The following HSPG2 variants were observed in gnomAD, a reference collection of about 807,000 sequenced individuals.
The protein encoded by HSPG2 is heparan sulfate proteoglycan 2.
A neutral mutation model predicts 526.6 loss-of-function variants in HSPG2; 278 were observed. That is an observed-to-expected ratio of 0.53 (90% CI 0.48 to 0.58). The LOEUF (loss-of-function observed/expected upper bound fraction) is 0.58, where lower values mean the gene tolerates loss of function less well. Ranked by LOEUF, HSPG2 falls within the 20% of genes least tolerant of loss-of-function variation. The pLI is 0.00. For synonymous variants in HSPG2, 2,465 were observed against 2,555.4 expected, an observed-to-expected ratio of 0.96 and a Z score of 1.07; for missense variants, 5,354 against 6,099.5, an observed-to-expected ratio of 0.88 and a Z score of 4.07.
chr1:21,851,682 T>C lies in HSPG2; in HGVS notation c.7022A>G (p.Gln2341Arg), dbSNP rs1266984580. ...GGAGGAGGGCTCGATGCGGATGGGC[T>C]GGGTGCTGCCGGCAGCTGAGGGATA... ...ANLAYPAGST[Q>R]PIRIEPSSSQ... Residue 2341 changes from glutamine (Q) to arginine (R), a missense_variant, in exon 55 of 97, where the codon CAG becomes CGG. Coordinates refer to ENST00000374695, the MANE Select transcript of HSPG2 (RefSeq NM_005529.7). The C allele has an allele frequency of 6.2e-7, 1 of 1,613,912 alleles. No homozygotes were observed. The highest frequency in any genetic ancestry group is 1.1e-5 in the South Asian group (1 of 91,076).
At chr1:21,862,931 G>T (rs938694689) in intron 37 of HSPG2, among the ~76,000 whole-genome samples, 2 of 151,670 alleles carry the variant, frequency 1.3e-5, no homozygotes, top group Non-Finnish European at 2.9e-5. Context: ...ATGGTGGCAG[G>T]TGCCTGTAAT....
rs749393638 is a variant in HSPG2 at position 21,850,103 on chromosome 1, C to G, written c.7384G>C (p.Gly2462Arg). 1.2e-6 allele frequency: 2 copies of G among 1,613,354 alleles called. No individual in the cohort carries two copies. The highest frequency in any genetic ancestry group is 1.3e-5 in the African/African-American group (1 of 74,952). The change falls in exon 57 of 97, where the codon GGT (glycine) becomes CGT (arginine). Residue 2462 changes from glycine to arginine, a missense_variant. Transcript: ENST00000374695. ...CACGTGACCTGGGCATGGGCCTGACCAGCAACGAGGCAGTTCAGGTCCAGG... is the reference window on the plus strand; with the variant it reads ...CACGTGACCTGGGCATGGGCCTGACGAGCAACGAGGCAGTTCAGGTCCAGG... ...QTLDLNCLVA[G>R]QAHAQVTWHK...
At position 21,847,989 on chromosome 1, in the gene HSPG2, G is replaced by T; in HGVS notation, c.7842C>A (p.Ile2614=). The T allele has an allele frequency of 6.2e-7, 1 of 1,613,758 alleles. No homozygotes were observed. The highest frequency in any genetic ancestry group is 8.5e-7 in the Non-Finnish European group (1 of 1,180,016). ...NGAGSRETSL[I]VTIQGSGSSH... ...AGGAACCGCTGCCCTGGATGGTGACGATGAGCGAGGTCTCCCGGGAGCCTG... is the reference window on the plus strand; with the variant it reads ...AGGAACCGCTGCCCTGGATGGTGACTATGAGCGAGGTCTCCCGGGAGCCTG... The change falls in exon 60 of 97, where the codon ATC becomes ATA. Residue 2614 remains isoleucine, a synonymous_variant. Transcript: ENST00000374695. The surrounding 1 kb of genome is among the most constrained non-coding windows in gnomAD (Gnocchi z 4.1).
intron 1 of HSPG2, among the ~76,000 whole-genome samples, chr1:21,915,427 G>A (rs1349646370): frequency 6.6e-6 from 1 of 152,218 alleles, no homozygotes; most frequent in Non-Finnish European, 1.5e-5. Context: ...AAATAACAGG[G>A]GCAGAGGAGC....
chr1:21,890,040 C>T lies in HSPG2; in HGVS notation c.515G>A (p.Gly172Asp), dbSNP rs765663428. 11 of 1,614,098 alleles carry T rather than the reference C, an allele frequency of 6.8e-6. No individual in the cohort carries two copies. The highest frequency in any genetic ancestry group is 1.3e-5 in the African/African-American group (1 of 75,012). Residue 172 changes from glycine (G) to aspartate (D), a missense_variant, in exon 6 of 97, where the codon GGC becomes GAC. Transcript: ENST00000374695. The surrounding 1 kb of genome is among the most constrained non-coding windows in gnomAD (Gnocchi z 4.1). ...AGAGGTGACGTAGGAGGCCACAGAG[C>T]CGCTGGAGATGACCCTGAGCAGCAT... ...QEMLLRVISS[G>D]SVASYVTSPQ... is the part of the protein sequence containing the mutation.
chr1:21,928,602 G>A (rs1194669227), intron 1 of HSPG2, among the ~76,000 whole-genome samples: 2 of 151,706 alleles, frequency 1.3e-5, no homozygotes, highest in African/African-American at 4.9e-5. Flanking sequence ...CACCACACCC[G>A]GCTAACTTTT....
chr1:21,880,746 G>C lies in HSPG2; in HGVS notation c.1908C>G (p.Val636=), dbSNP rs1203571104. Residue 636 remains valine (V), a synonymous_variant, in exon 15 of 97, where the codon GTC becomes GTG. Coordinates refer to ENST00000374695, the MANE Select transcript of HSPG2 (RefSeq NM_005529.7). ...GGAGGCGGTACCCGGCACCCATGAGGACCACGTCCGGCCGCTGCACTGGCT... is the reference window on the plus strand; with the variant it reads ...GGAGGCGGTACCCGGCACCCATGAGCACCACGTCCGGCCGCTGCACTGGCT... ...MLEPVQRPDV[V]LMGAGYRLLS... The C allele has an allele frequency of 6.2e-7, 1 of 1,600,848 alleles. No individual in the cohort carries two copies. Among genetic ancestry groups the C allele is most frequent in the East Asian group, 2.3e-5 (1 of 44,304 alleles).
At position 21,823,023 on chromosome 1, in the gene HSPG2, G is replaced by C. The variant is rs543251538; in HGVS notation, c.*293C>G. On this transcript the variant is annotated 3_prime_UTR_variant, in exon 97 of 97. Transcript: ENST00000374695. ...TCTGGGGGCTCCATCGGTGGGTAGGGGGACAGTGGGGGCAGTTCTGGGCCC... is the reference window on the plus strand; with the variant it reads ...TCTGGGGGCTCCATCGGTGGGTAGGCGGACAGTGGGGGCAGTTCTGGGCCC... 2 of 313,016 alleles carry C rather than the reference G, an allele frequency of 6.4e-6. No homozygotes were observed. The highest frequency in any genetic ancestry group is 1.2e-5 in the Non-Finnish European group (2 of 171,762). 19.4% of individuals were successfully genotyped at this position (313,016 alleles called of 1,614,324 possible). A position where few individuals can be genotyped will look rare whatever the true frequency, so the allele number is the denominator to read the frequency against.
chr1:21,906,423 G>T (rs1388926799), intron 1 of HSPG2, among the ~76,000 whole-genome samples: 2 of 152,218 alleles, frequency 1.3e-5, no homozygotes, highest in African/African-American at 4.8e-5. Flanking sequence ...TGTGGCCAAG[G>T]AGGTCGGCTC....
chr1:21,879,003 G>A lies in HSPG2; in HGVS notation c.2462C>T (p.Ala821Val), dbSNP rs141901178. ...CRPCPCPYIDASRRFSDTCFL... is the reference protein window; with the variant it reads ...CRPCPCPYIDVSRRFSDTCFL... The stretch of plus-strand genomic sequence containing the variant: ...CGGAGCTGGGGCTGACCTGCGGGAG[G>A]CATCGATGTATGGGCAAGGGCAGGG... Residue 821 changes from alanine to valine, a missense_variant, in exon 18 of 97, where the codon GCC becomes GTC. Transcript: ENST00000374695. 698 of 1,613,872 alleles carry A rather than the reference G, an allele frequency of 4.3e-4. No homozygotes were observed. The African/African-American group carries it at 8.3e-3, about 19-fold the overall frequency.
At position 21,874,516 on chromosome 1, in the gene HSPG2, C is replaced by T. The variant is rs1019700649; in HGVS notation, c.3546G>A (p.Thr1182=). The T allele has an allele frequency of 2.7e-5, 43 of 1,613,450 alleles. No individual in the cohort carries two copies. The highest frequency in any genetic ancestry group is 4.5e-5 in the East Asian group (2 of 44,884). ...GGCACTGCTCACACCGAGGGCCCTC[C>T]GTGTGATGCTGGCAGCCCTGGAGGA... ...TGACQGCQHH[T]EGPRCEQCQP... The change falls in exon 28 of 97, where the codon ACG becomes ACA. Residue 1182 remains threonine, a synonymous_variant. Coordinates refer to ENST00000374695, the MANE Select transcript of HSPG2 (RefSeq NM_005529.7).
chr1:21,833,756 C>T (rs188615447), intron 78 of HSPG2, 60 bp downstream of exon 78: 146 of 1,510,382 alleles, frequency 9.7e-5, no homozygotes, highest in Middle Eastern at 3.5e-4. Context: ...GACACTGAGA[C>T]GCTTCAGATC....
intron 1 of HSPG2, among the ~76,000 whole-genome samples, chr1:21,932,051 T>A (rs1644363396): frequency 6.6e-6 from 1 of 152,022 alleles, no homozygotes; most frequent in Non-Finnish European, 1.5e-5. Context: ...TTAACAAACC[T>A]AAAAATGACC....
In HSPG2 at chr1:21,931,343, G is replaced by A. The variant is rs191672699; in HGVS notation, c.63+5812C>T. 3.3e-5 allele frequency among the ~76,000 whole-genome samples: 5 copies of A among 152,364 alleles called. No individual in the cohort carries two copies. The East Asian group carries it at 5.8e-4, about 18-fold the overall frequency. ...TTCAGTCAGCCAGCTCTGGGTGCTG[G>A]GGCAGCTGGCCCCGGGAGCAGGAGG... is the stretch of plus-strand genomic sequence containing the variant. On this transcript the variant is annotated intron_variant, in intron 1 of 96. Coordinates refer to ENST00000374695, the MANE Select transcript of HSPG2 (RefSeq NM_005529.7).
At position 21,865,697 on chromosome 1, in the gene HSPG2, C is replaced by T. The variant is rs1218097299; in HGVS notation, c.4314+20G>A. The T allele has an allele frequency of 6.3e-7, 1 of 1,592,528 alleles. No homozygotes were observed. The highest frequency in any genetic ancestry group is 2.2e-5 in the East Asian group (1 of 44,538). ...CCATCCTGCCCTTCTGCCCACCCAG[C>T]ATGGTGTCCAAATGCTCACCGTGAT... On this transcript the variant is annotated intron_variant, in intron 34 of 96. Coordinates refer to ENST00000374695, the MANE Select transcript of HSPG2 (RefSeq NM_005529.7). This position sits in a 1 kb window ranked among gnomAD's most constrained non-coding sequence, Gnocchi z 5.4.
At chr1:21,844,650 T>C (rs915800803) in intron 64 of HSPG2, among the ~76,000 whole-genome samples, 1 of 152,252 alleles carries the variant, frequency 6.6e-6, no homozygotes, top group African/African-American at 2.4e-5. Flanking sequence ...CCAGACTGCC[T>C]GGGTTCAAAT....
chr1:21,861,279 G>C (rs2152731294), intron 39 of HSPG2, among the ~76,000 whole-genome samples: 1 of 152,264 alleles, frequency 6.6e-6, no homozygotes, highest in South Asian at 2.1e-4. Context: ...TGAAGGCTAA[G>C]GGGAAGTTAG....
At position 21,903,374 on chromosome 1, in the gene HSPG2, G is replaced by GC. The variant is rs1390475646; in HGVS notation, c.64-7065dup. 2.0e-5 allele frequency among the ~76,000 whole-genome samples: 3 copies of GC among 152,206 alleles called. No individual in the cohort carries two copies. The East Asian group carries it at 5.8e-4, about 29-fold the overall frequency. ...CCCGCACTTTGGGAGGCAGAGGCAG[G>GC]CGGATCACCTGAGGTCAGGAGTTCG... On this transcript the variant is annotated intron_variant, in intron 1 of 96. Transcript: ENST00000374695.
chr1:21,919,637 C>T (rs77660579), intron 1 of HSPG2, among the ~76,000 whole-genome samples: 305 of 152,134 alleles, frequency 2.0e-3, no homozygotes, highest in Non-Finnish European at 3.7e-3. Flanking sequence ...AGACAGCAGA[C>T]GGAAAGCAGC....
Sources: gnomAD v4.1 joint callset for allele counts (sites outside exome capture counted in the v4.1 genomes callset) on GRCh38, gnomAD v4.1.1 for gene constraint, Gnocchi (gnomAD v3.1) non-coding constraint, MANE v1.5 for transcripts, NCBI Gene and HGNC (gene_info 2026-07-23, HGNC 2026-07-21) for gene names.